Variants in KIF26B observed in about 807,000 individuals in gnomAD.
KIF26B encodes the protein kinesin-like protein KIF26B.
A neutral mutation model predicts 151.2 loss-of-function variants in KIF26B; 63 were observed. The observed-to-expected ratio is 0.42, with a 90% CI of 0.34 to 0.51. The LOEUF (loss-of-function observed/expected upper bound fraction) is 0.51. KIF26B is among the 20% of genes least tolerant of loss of function. The pLI is 0.07. For synonymous variants in KIF26B, 1,357 were observed against 1,262.1 expected, an observed-to-expected ratio of 1.08 and a Z score of -1.59; for missense variants, 2,813 against 2,913.6, an observed-to-expected ratio of 0.97 and a Z score of 0.79.
chr1:245,202,084 A>C (rs1031024910), intron 2 of KIF26B, among the ~76,000 whole-genome samples: 8 of 152,320 alleles, frequency 5.3e-5, no homozygotes, highest in African/African-American at 1.9e-4. Context: ...TATGTACTCA[A>C]TTATCCCATT....
chr1:245,155,554 C>T (rs1306378338), intron 1 of KIF26B, 67 bp downstream of exon 1: 2 of 1,402,808 alleles, frequency 1.4e-6, no homozygotes, highest in Admixed American at 4.0e-5. Flanking sequence ...CCCCCTTTCC[C>T]CGGGATCGTG....
rs1435666745 is a variant in KIF26B, at chr1:245,540,047, C to T, written c.1167-720C>T. Among the ~76,000 whole-genome samples the T allele has an allele frequency of 6.6e-6, 1 of 152,180 alleles. No individual in the cohort carries two copies. Among genetic ancestry groups the T allele is most frequent in the Non-Finnish European group, 1.5e-5 (1 of 68,038 alleles). On this transcript the variant is annotated intron_variant, in intron 4 of 14. Transcript: ENST00000407071. The surrounding 1 kb of genome is among the most constrained non-coding windows in gnomAD (Gnocchi z 4.6). ...ATTAATGATGCCGGCAGCCTCCCCTCCCACCTTTCCCTGCCTTCACACTCT... is the reference window on the plus strand; with the variant it reads ...ATTAATGATGCCGGCAGCCTCCCCTTCCACCTTTCCCTGCCTTCACACTCT...
chr1:245,184,050 GT>G (rs758993117), intron 2 of KIF26B, among the ~76,000 whole-genome samples: 245 of 19,822 alleles, frequency 0.012, 25 homozygotes, highest in African/African-American at 0.035. Flanking sequence ...GGGAGTTGTT[GT>G]TTTTTTTTTT....
intron 3 of KIF26B, among the ~76,000 whole-genome samples, chr1:245,405,111 A>C (rs966570560): frequency 6.6e-6 from 1 of 152,226 alleles, no homozygotes; most frequent in African/African-American, 2.4e-5. Context: ...AAAGTCTGTC[A>C]TGGGTCTGGT....
At chr1:245,202,847 A>G (rs959794650) in intron 2 of KIF26B, among the ~76,000 whole-genome samples, 3 of 151,476 alleles carry the variant, frequency 2.0e-5, no homozygotes, top group Non-Finnish European at 4.4e-5. Context: ...AGGCTGAGGC[A>G]TGAGAATCAC....
chr1:245,619,147 C>A, intron 9 of KIF26B, among the ~76,000 whole-genome samples: 1 of 141,010 alleles, frequency 7.1e-6, no homozygotes, highest in South Asian at 2.2e-4. Context: ...TGAGCTTGTC[C>A]AAGCCCTATT....
In KIF26B at chr1:245,367,455, C is replaced by T. The variant is rs539238913; in HGVS notation, c.999+88C>T. The T allele has an allele frequency of 2.5e-4, 308 of 1,231,204 alleles. No individual in the cohort carries two copies. In the African/African-American group the frequency reaches 3.3e-3, roughly 13 times the overall value. The allele number at this position is 1,231,204 out of a possible 1,614,324, so 76.3% of individuals were successfully genotyped here. A position where few individuals can be genotyped will look rare whatever the true frequency, so the allele number is the denominator to read the frequency against. ...AGCACTTCCTTCCGCTGCCTCCTCC[C>T]GGGAACCCTGTAACTCAGAGCCCAG... is the stretch of plus-strand genomic sequence containing the variant. On this transcript the variant is annotated intron_variant, in intron 3 of 14. Transcript: ENST00000407071. This position sits in a 1 kb window ranked among gnomAD's most constrained non-coding sequence, Gnocchi z 4.2.
chr1:245,456,408 A>G (rs1558173157), intron 4 of KIF26B, among the ~76,000 whole-genome samples: 1 of 152,216 alleles, frequency 6.6e-6, no homozygotes, highest in African/African-American at 2.4e-5. Flanking sequence ...TTTTTAAGGC[A>G]CTTAATACAC....
chr1:245,286,253 A>G (rs1004585740), intron 2 of KIF26B, among the ~76,000 whole-genome samples: 1 of 151,908 alleles, frequency 6.6e-6, no homozygotes, highest in Non-Finnish European at 1.5e-5. Context: ...ACTCAAACTC[A>G]GGTGGGTGTG....
chr1:245,201,965 A>G (rs551554847), intron 2 of KIF26B, among the ~76,000 whole-genome samples: 81 of 152,264 alleles, frequency 5.3e-4, no homozygotes, highest in African/African-American at 1.9e-3. Flanking sequence ...TTGCTGTTTT[A>G]TAAGTCAGCC....
intron 4 of KIF26B, among the ~76,000 whole-genome samples, chr1:245,526,774 T>C (rs190110199): frequency 6.6e-6 from 1 of 152,324 alleles, no homozygotes; most frequent in Admixed American, 6.5e-5. Context: ...TAGTGGTTTG[T>C]TGCTTCAGGC....
chr1:245,305,604 G>A (rs904591033), intron 2 of KIF26B, among the ~76,000 whole-genome samples: 3 of 152,180 alleles, frequency 2.0e-5, no homozygotes, highest in Non-Finnish European at 4.4e-5. Context: ...AAGTGTTGAT[G>A]AGGATGTGGA....
At chr1:245,580,688 G>T (rs2043167153) in intron 5 of KIF26B, among the ~76,000 whole-genome samples, 1 of 152,212 alleles carries the variant, frequency 6.6e-6, no homozygotes, top group Admixed American at 6.5e-5. Context: ...GGAGGGCACG[G>T]AGGAAAATTG....
rs985688245 is a variant in KIF26B, at chr1:245,516,838, C to T, written c.1167-23929C>T. Among the ~76,000 whole-genome samples, 2 of 151,950 alleles carry T rather than the reference C, an allele frequency of 1.3e-5. No homozygotes were observed. The highest frequency in any genetic ancestry group is 4.8e-5 in the African/African-American group (2 of 41,372). On this transcript the variant is annotated intron_variant, in intron 4 of 14. Coordinates refer to ENST00000407071, the MANE Select transcript of KIF26B (RefSeq NM_018012.4). The surrounding 1 kb of genome is among the most constrained non-coding windows in gnomAD (Gnocchi z 4.2). ...AGCTGAACACAAAAGTTCCGGTTAC[C>T]AGACTGTCCCTGGATACTGGGGACT...
chr1:245,669,265 T>C (rs1429586717), intron 10 of KIF26B, among the ~76,000 whole-genome samples: 1 of 152,168 alleles, frequency 6.6e-6, no homozygotes, highest in Admixed American at 6.5e-5. Context: ...TTCACAGGTA[T>C]AGCCTATGTT....
intron 2 of KIF26B, among the ~76,000 whole-genome samples, chr1:245,184,814 G>A (rs996958393): frequency 7.9e-5 from 12 of 152,214 alleles, no homozygotes; most frequent in Non-Finnish European, 1.8e-4. Flanking sequence ...GTGGTGAATT[G>A]TTTTTGGCGA....
intron 4 of KIF26B, among the ~76,000 whole-genome samples, chr1:245,468,920 A>AT (rs1447522553): frequency 4.6e-5 from 7 of 152,320 alleles, no homozygotes; most frequent in Non-Finnish European, 7.3e-5. Flanking sequence ...TAAAGTAATT[A>AT]TTTTTAAATG....
In KIF26B at chr1:245,563,393, C is replaced by A. The variant is rs556223625; in HGVS notation, c.1350+22443C>A. Among the ~76,000 whole-genome samples the A allele has an allele frequency of 6.6e-6, 1 of 152,200 alleles. No individual in the cohort carries two copies. Among genetic ancestry groups the A allele is most frequent in the Non-Finnish European group, 1.5e-5 (1 of 68,046 alleles). ...TGTTTCCAAGTGGGTTCTATCTTCTCAAGGATCACTGGTCTTTCGCATATA... is the reference window on the plus strand; with the variant it reads ...TGTTTCCAAGTGGGTTCTATCTTCTAAAGGATCACTGGTCTTTCGCATATA... On this transcript the variant is annotated intron_variant, in intron 5 of 14. Coordinates refer to ENST00000407071, the MANE Select transcript of KIF26B (RefSeq NM_018012.4). This position sits in a 1 kb window ranked among gnomAD's most constrained non-coding sequence, Gnocchi z 4.6.
chr1:245,410,834 T>G (rs908119025), intron 3 of KIF26B, among the ~76,000 whole-genome samples: 1 of 152,166 alleles, frequency 6.6e-6, no homozygotes, highest in Non-Finnish European at 1.5e-5. Flanking sequence ...TATATTCACA[T>G]TGTTACACAA....
Sources: allele counts gnomAD v4.1 joint callset (sites outside exome capture counted in the v4.1 genomes callset), GRCh38; gene constraint gnomAD v4.1.1; non-coding constraint Gnocchi (gnomAD v3.1); transcripts MANE v1.5; gene names NCBI Gene and HGNC (gene_info 2026-07-23, HGNC 2026-07-21).